The following ARHGAP28 variants were observed in gnomAD, a reference collection of about 807,000 sequenced individuals.
ARHGAP28 encodes the protein rho GTPase-activating protein 28.
ARHGAP28 carries 56 observed loss-of-function variants against 90.7 expected under a neutral mutation model. The observed-to-expected ratio is 0.62, with a 90% CI of 0.50 to 0.77. ARHGAP28 has a LOEUF of 0.77. Among genes scored for constraint, ARHGAP28 ranks in the 30% least tolerant of loss-of-function variants. The probability of loss-of-function intolerance (pLI) is 0.00; values close to 1 mark genes in which losing one functional copy is unlikely to be tolerated. For missense variants in ARHGAP28, 869 were observed against 900.9 expected, an observed-to-expected ratio of 0.96 and a Z score of 0.45; for synonymous variants, 308 against 323.3, an observed-to-expected ratio of 0.95 and a Z score of 0.51.
At chr18:6,786,015 T>A (rs1391519382) in intron 1 of ARHGAP28, among the ~76,000 whole-genome samples, 1 of 152,212 alleles carries the variant, frequency 6.6e-6, no homozygotes, top group African/African-American at 2.4e-5. Flanking sequence ...AAACATTTTT[T>A]GGAAAACACT....
At chr18:6,882,011 T>C (rs2057181984) in intron 10 of ARHGAP28, 126 bp from the exon 11 acceptor site, 1 of 801,554 alleles carries the variant, frequency 1.2e-6, no homozygotes, top group African/African-American at 1.8e-5. Flanking sequence ...AAAAAATTAC[T>C]CTTGGTAGAC....
At chr18:6,825,670 G>C (rs1327674201) in intron 2 of ARHGAP28, among the ~76,000 whole-genome samples, 1 of 152,096 alleles carries the variant, frequency 6.6e-6, no homozygotes, top group Non-Finnish European at 1.5e-5. Context: ...TGGGTGCTTA[G>C]TGTTTAGTGC....
At chr18:6,909,981 C>T in intron 17 of ARHGAP28, among the ~76,000 whole-genome samples, 1 of 152,146 alleles carries the variant, frequency 6.6e-6, no homozygotes, top group East Asian at 1.9e-4. Context: ...TTTAAGTCTA[C>T]TCCCATTTCT....
intron 1 of ARHGAP28, among the ~76,000 whole-genome samples, chr18:6,759,817 TC>T (rs1295017418): frequency 6.6e-6 from 1 of 152,066 alleles, no homozygotes; most frequent in Non-Finnish European, 1.5e-5. Context: ...ACCCCAAGTC[TC>T]CGCTTCCCAC....
At chr18:6,782,162 A>G (rs2056329071) in intron 1 of ARHGAP28, among the ~76,000 whole-genome samples, 1 of 151,978 alleles carries the variant, frequency 6.6e-6, no homozygotes, top group Non-Finnish European at 1.5e-5. Flanking sequence ...GTGCTTAGCC[A>G]CTGCAACTGA....
chr18:6,798,135 G>A lies in ARHGAP28; in HGVS notation c.123-26627G>A, dbSNP rs1053501275. Among the ~76,000 whole-genome samples the A allele has an allele frequency of 3.9e-5, 6 of 151,930 alleles. No homozygotes were observed. In the South Asian group the frequency reaches 8.3e-4, roughly 21 times the overall value. On this transcript the variant is annotated intron_variant, in intron 1 of 17. Coordinates refer to ENST00000383472, the MANE Select transcript of ARHGAP28 (RefSeq NM_001366230.1). ...GTGTGGAACAATTGGAGATTCATATGCAAAAAAACACCTCCATCTACATAT... is the reference window on the plus strand; with the variant it reads ...GTGTGGAACAATTGGAGATTCATATACAAAAAAACACCTCCATCTACATAT...
intron 1 of ARHGAP28, chr18:6,788,751 C>T (rs1264485945): frequency 6.6e-6 from 1 of 152,382 alleles, no homozygotes; most frequent in African/African-American, 2.4e-5. Context: ...AGGTATGAGC[C>T]ACCACGCCCG....
At chr18:6,808,216 T>C (rs2056532751) in intron 1 of ARHGAP28, among the ~76,000 whole-genome samples, 1 of 152,218 alleles carries the variant, frequency 6.6e-6, no homozygotes, top group Non-Finnish European at 1.5e-5. Context: ...TTCACCAGTA[T>C]CTAATGTATT....
chr18:6,793,863 G>A lies in ARHGAP28; in HGVS notation c.123-30899G>A, dbSNP rs140478710. Among the ~76,000 whole-genome samples the A allele has an allele frequency of 4.4e-3, 669 of 152,052 alleles. 4 individuals carry two copies. The highest frequency in any genetic ancestry group is 0.015 in the African/African-American group (636 of 41,456). On this transcript the variant is annotated intron_variant, in intron 1 of 17. Coordinates refer to ENST00000383472, the MANE Select transcript of ARHGAP28 (RefSeq NM_001366230.1). ...CTCATTTATCAATATGGAAGTGTCC[G>A]AGATTACTTGCTAGAGGCTCTGTTA...
chr18:6,772,758 G>A (rs2056253485), intron 1 of ARHGAP28, among the ~76,000 whole-genome samples: 1 of 151,560 alleles, frequency 6.6e-6, no homozygotes, highest in Non-Finnish European at 1.5e-5. Context: ...TTTTGAGACG[G>A]AGTTTCGCTC....
intron 1 of ARHGAP28, among the ~76,000 whole-genome samples, chr18:6,807,887 C>T (rs1486002658): frequency 6.6e-6 from 1 of 152,216 alleles, no homozygotes; most frequent in Non-Finnish European, 1.5e-5. Context: ...GCTGGGTTCC[C>T]TGCTTCTGCC....
chr18:6,799,960 T>C (rs559232248), intron 1 of ARHGAP28, among the ~76,000 whole-genome samples: 57 of 152,094 alleles, frequency 3.7e-4, no homozygotes, highest in African/African-American at 1.3e-3. Flanking sequence ...TTGCAATCTA[T>C]CCATCTGACA....
At chr18:6,898,661 T>G in intron 16 of ARHGAP28, 1 of 1,484,672 alleles carries the variant, frequency 6.7e-7, no homozygotes, top group Non-Finnish European at 8.9e-7. Flanking sequence ...ACTGACTTTG[T>G]ACTCTCAAGT....
rs147608532 is a variant in ARHGAP28, at chr18:6,860,658, C to T, written c.726+761C>T. Among the ~76,000 whole-genome samples the T allele has an allele frequency of 2.3e-3, 355 of 152,284 alleles. 3 individuals are homozygous for T. Among genetic ancestry groups the T allele is most frequent in the African/African-American group, 8.3e-3 (343 of 41,560 alleles). Reference sequence around the variant, plus strand: ...GTTTTTCCTCAACCCCTGTCCATTTCGAGAAACAAGGAGCTGATGACATTT... The same window carrying T: ...GTTTTTCCTCAACCCCTGTCCATTTTGAGAAACAAGGAGCTGATGACATTT... On this transcript the variant is annotated intron_variant, in intron 5 of 17. Coordinates refer to ENST00000383472, the MANE Select transcript of ARHGAP28 (RefSeq NM_001366230.1).
At position 6,729,924 on chromosome 18, in the gene ARHGAP28, G is replaced by T; in HGVS notation, c.103G>T (p.Ala35Ser). ...GTCGCGCTGCGCGCCCCGCGCCGCA[G>T]CCAGCCACCCGCTCAGCAGGTACCC... Reference protein sequence around the residue: ...AESRCAPRAAASHPLSRKSIP... With the variant: ...AESRCAPRAASSHPLSRKSIP... The change falls in exon 1 of 18, where the codon GCC becomes TCC. Residue 35 changes from alanine to serine, a missense_variant. By Grantham distance (99) the Ala-to-Ser change is moderately conservative. Transcript: ENST00000383472. 1.4e-6 allele frequency: 2 copies of T among 1,396,138 alleles called. No homozygotes were observed. The highest frequency in any genetic ancestry group is 1.6e-5 in the South Asian group (1 of 62,998). The allele number at this position is 1,396,138 out of a possible 1,614,324, so 86.5% of individuals were successfully genotyped here. A position where few individuals can be genotyped will look rare whatever the true frequency, so the allele number is the denominator to read the frequency against.
At chr18:6,785,689 G>A (rs565136574) in intron 1 of ARHGAP28, among the ~76,000 whole-genome samples, 44 of 152,332 alleles carry the variant, frequency 2.9e-4, no homozygotes, top group African/African-American at 9.9e-4. Context: ...GGAAGTGGGT[G>A]CAGTTGAGAA....
At chr18:6,735,915 A>G (rs1011527306) in intron 1 of ARHGAP28, among the ~76,000 whole-genome samples, 8 of 152,160 alleles carry the variant, frequency 5.3e-5, no homozygotes, top group African/African-American at 1.9e-4. Context: ...TGAGGGCATC[A>G]TACAGCGGGT....
In ARHGAP28 at chr18:6,765,575, A is replaced by T. The variant is rs190921163; in HGVS notation, c.122+35632A>T. On this transcript the variant is annotated intron_variant, in intron 1 of 17. Transcript: ENST00000383472. ...CTTTTCCAAACTCTGCTTTTTAAAA[A>T]TTTTTTTCTATTGTTTGCCTGCTTA... Among the ~76,000 whole-genome samples the T allele has an allele frequency of 4.2e-3, 635 of 151,698 alleles. 4 individuals carry two copies. The highest frequency in any genetic ancestry group is 0.011 in the African/African-American group (460 of 41,366).
Position 6,873,307 on chromosome 18 carries a change from A to G in ARHGAP28, c.955-102A>G. On this transcript the variant is annotated intron_variant, in intron 7 of 17. Transcript: ENST00000383472. ...TCCTTAGAGATGTTTTCCAAAGAAC[A>G]CGTTCTACTGCATAGATTTAGAGTG... is the stretch of plus-strand genomic sequence containing the variant. 7 of 969,508 alleles carry G rather than the reference A, an allele frequency of 7.2e-6. No homozygotes were observed. In the South Asian group the frequency reaches 1.1e-4, roughly 16 times the overall value. The allele number at this position is 969,508 out of a possible 1,614,324, so 60.1% of individuals were successfully genotyped here. A position where few individuals can be genotyped will look rare whatever the true frequency, so the allele number is the denominator to read the frequency against.
Sources: allele counts gnomAD v4.1 joint callset (sites outside exome capture counted in the v4.1 genomes callset), GRCh38; gene constraint gnomAD v4.1.1; transcripts MANE v1.5; gene names NCBI Gene and HGNC (gene_info 2026-07-23, HGNC 2026-07-21).